CNTNAP2: variants seen among roughly 807,000 people sequenced by gnomAD.
CNTNAP2 encodes the protein contactin-associated protein-like 2.
A neutral mutation model predicts 155.2 loss-of-function variants in CNTNAP2; 98 were observed. That is an observed-to-expected ratio of 0.63 (90% CI 0.54 to 0.75). The LOEUF is 0.75. CNTNAP2 is among the 30% of genes least tolerant of loss of function. The probability of loss-of-function intolerance (pLI) is 0.00; values close to 1 mark genes in which losing one functional copy is unlikely to be tolerated. For missense variants in CNTNAP2, 1,727 were observed against 1,688.1 expected, an observed-to-expected ratio of 1.02 and a Z score of -0.40; for synonymous variants, 651 against 631.2, an observed-to-expected ratio of 1.03 and a Z score of -0.47.
chr7:146,508,138 T>C (rs1797412402), intron 1 of CNTNAP2, among the ~76,000 whole-genome samples: 1 of 152,238 alleles, frequency 6.6e-6, no homozygotes, highest in South Asian at 2.1e-4. Flanking sequence ...GTGCATTCCA[T>C]GCACTATCTG....
At chr7:146,198,772 G>C (rs1189108926) in intron 1 of CNTNAP2, among the ~76,000 whole-genome samples, 1 of 151,426 alleles carries the variant, frequency 6.6e-6, no homozygotes, top group Non-Finnish European at 1.5e-5. Flanking sequence ...CCCTGGCATA[G>C]AACTTTTTTT....
At chr7:147,273,460 C>G (rs1014873702) in intron 8 of CNTNAP2, among the ~76,000 whole-genome samples, 7 of 151,838 alleles carry the variant, frequency 4.6e-5, no homozygotes, top group African/African-American at 1.7e-4. Flanking sequence ...ACCCATCACC[C>G]GAATAGTGAT....
At chr7:146,327,483 T>C (rs932959316) in intron 1 of CNTNAP2, among the ~76,000 whole-genome samples, 1 of 152,224 alleles carries the variant, frequency 6.6e-6, no homozygotes, top group African/African-American at 2.4e-5. Flanking sequence ...TTCACAACTG[T>C]AATAGAATGT....
intron 13 of CNTNAP2, among the ~76,000 whole-genome samples, chr7:147,799,337 A>G (rs1797951602): frequency 6.6e-6 from 1 of 152,168 alleles, no homozygotes; most frequent in Admixed American, 6.5e-5. Context: ...GGTGCCATCA[A>G]TAATCCTGTA....
chr7:148,184,186 C>G (rs1795081719), intron 18 of CNTNAP2, among the ~76,000 whole-genome samples: 1 of 152,106 alleles, frequency 6.6e-6, no homozygotes, highest in Admixed American at 6.6e-5. Flanking sequence ...TTAATTCCAG[C>G]ATTTTGGGAG....
At chr7:146,730,935 A>C (rs1801514584) in intron 1 of CNTNAP2, among the ~76,000 whole-genome samples, 3 of 152,138 alleles carry the variant, frequency 2.0e-5, no homozygotes, top group African/African-American at 7.2e-5. Context: ...TTTCAAAGGA[A>C]CCTTCTATCC....
At chr7:146,746,087 G>C (rs1432977402) in intron 1 of CNTNAP2, among the ~76,000 whole-genome samples, 1 of 152,098 alleles carries the variant, frequency 6.6e-6, no homozygotes, top group Non-Finnish European at 1.5e-5. Flanking sequence ...TCTCCAAAAG[G>C]GAGTAGAGTG....
At chr7:148,210,347 C>T (rs966336235) in intron 18 of CNTNAP2, among the ~76,000 whole-genome samples, 1 of 152,186 alleles carries the variant, frequency 6.6e-6, no homozygotes, top group African/African-American at 2.4e-5. Context: ...AACATTCTAA[C>T]CTGTTGACCA....
intron 12 of CNTNAP2, among the ~76,000 whole-genome samples, chr7:147,632,985 A>G (rs2116913250): frequency 6.6e-6 from 1 of 152,356 alleles, no homozygotes; most frequent in South Asian, 2.1e-4. Context: ...GAAAATTTGC[A>G]GCCTGACAAT....
At chr7:146,455,020 C>T (rs748144089) in intron 1 of CNTNAP2, among the ~76,000 whole-genome samples, 2 of 152,132 alleles carry the variant, frequency 1.3e-5, no homozygotes, top group African/African-American at 4.8e-5. Context: ...AATGTGGGCT[C>T]TTTGAGATCC....
chr7:146,969,201 T>TAA, intron 3 of CNTNAP2, among the ~76,000 whole-genome samples: 1 of 152,300 alleles, frequency 6.6e-6, no homozygotes, highest in East Asian at 1.9e-4. Context: ...TCTGATCTTT[T>TAA]ACATTTGCTG....
intron 21 of CNTNAP2, among the ~76,000 whole-genome samples, chr7:148,291,527 G>A (rs572894589): frequency 1.5e-3 from 222 of 152,166 alleles, no homozygotes; most frequent in Admixed American, 3.2e-3. Flanking sequence ...CTGCCTGCTT[G>A]TATTCTAGCC....
At chr7:146,333,451 G>C (rs1388097396) in intron 1 of CNTNAP2, among the ~76,000 whole-genome samples, 1 of 152,106 alleles carries the variant, frequency 6.6e-6, no homozygotes, top group Non-Finnish European at 1.5e-5. Flanking sequence ...ACACAAGCCT[G>C]TTATCTCATG....
intron 21 of CNTNAP2, among the ~76,000 whole-genome samples, chr7:148,319,605 A>G (rs955800822): frequency 6.6e-6 from 1 of 152,012 alleles, no homozygotes; most frequent in South Asian, 2.1e-4. Flanking sequence ...CATGGCTCGC[A>G]TTACCACCTG....
intron 8 of CNTNAP2, among the ~76,000 whole-genome samples, chr7:147,239,533 C>T (rs1803894036): frequency 6.7e-6 from 1 of 149,714 alleles, no homozygotes; most frequent in African/African-American, 2.5e-5. Context: ...AAAAAGGACA[C>T]TTTATTGGTA....
At chr7:146,444,458 A>G (rs1796372509) in intron 1 of CNTNAP2, among the ~76,000 whole-genome samples, 1 of 152,192 alleles carries the variant, frequency 6.6e-6, no homozygotes, top group Admixed American at 6.5e-5. Context: ...TGAAGGACCC[A>G]GGATTCTTCC....
intron 3 of CNTNAP2, among the ~76,000 whole-genome samples, chr7:146,977,849 A>G (rs552641722): frequency 4.6e-5 from 7 of 152,222 alleles, no homozygotes; most frequent in Non-Finnish European, 1.0e-4. Flanking sequence ...CTGTCAAATT[A>G]CATGGGTTGA....
chr7:147,352,713 T>G (rs1290784791), intron 9 of CNTNAP2, among the ~76,000 whole-genome samples: 1 of 152,022 alleles, frequency 6.6e-6, no homozygotes, highest in African/African-American at 2.4e-5. Context: ...TTATTTTGGC[T>G]GCTCTATTGC....
At chr7:146,792,399 C>A (rs1038488344) in intron 2 of CNTNAP2, among the ~76,000 whole-genome samples, 1 of 152,108 alleles carries the variant, frequency 6.6e-6, no homozygotes, top group Non-Finnish European at 1.5e-5. Context: ...AGGCTAAGAT[C>A]AATTCTATTA....
Sources: gnomAD v4.1 joint callset for allele counts (sites outside exome capture counted in the v4.1 genomes callset) on GRCh38, gnomAD v4.1.1 for gene constraint, MANE v1.5 for transcripts, NCBI Gene and HGNC (gene_info 2026-07-23, HGNC 2026-07-21) for gene names.